The following MAGI2 variants were observed in gnomAD, a reference collection of about 807,000 sequenced individuals.
MAGI2 encodes the protein membrane-associated guanylate kinase, WW and PDZ domain-containing protein 2.
Under a neutral mutation model 133.3 loss-of-function variants are expected in MAGI2, and 35 were observed. The ratio of observed to expected loss-of-function variants is 0.26; its 90% CI spans 0.20 to 0.35. The LOEUF (loss-of-function observed/expected upper bound fraction) is 0.35, where lower values mean the gene tolerates loss of function less well. Among genes scored for constraint, MAGI2 ranks in the 10% least tolerant of loss-of-function variants. MAGI2 has a pLI of 1.00. For synonymous variants in MAGI2, 729 were observed against 710.6 expected, an observed-to-expected ratio of 1.03 and a Z score of -0.41; for missense variants, 1,636 against 1,863.4, an observed-to-expected ratio of 0.88 and a Z score of 2.25.
chr7:78,153,584 G>T (rs1824100119), intron 16 of MAGI2, among the ~76,000 whole-genome samples: 1 of 152,168 alleles, frequency 6.6e-6, no homozygotes, highest in South Asian at 2.1e-4. Flanking sequence ...TCTTGACAGA[G>T]GTTGAGACGA....
At chr7:78,769,883 TCCC>T (rs1352867404) in intron 2 of MAGI2, among the ~76,000 whole-genome samples, 4 of 151,882 alleles carry the variant, frequency 2.6e-5, no homozygotes, top group African/African-American at 9.7e-5. Context: ...ACTAAATGCT[TCCC>T]CCCATTTCCT....
intron 1 of MAGI2, chr7:79,177,335 A>C (rs1826189544): frequency 1.3e-5 from 2 of 152,022 alleles, no homozygotes; most frequent in Non-Finnish European, 2.9e-5. Context: ...TGAATGCATG[A>C]AAAAAGAATT....
intron 1 of MAGI2, among the ~76,000 whole-genome samples, chr7:79,065,207 C>T (rs1814180079): frequency 6.6e-6 from 1 of 152,064 alleles, no homozygotes; most frequent in African/African-American, 2.4e-5. Flanking sequence ...GTATCCATTC[C>T]ATTATACAGT....
chr7:78,637,055 A>G (rs1809741470), intron 2 of MAGI2, among the ~76,000 whole-genome samples: 1 of 152,184 alleles, frequency 6.6e-6, no homozygotes, highest in Non-Finnish European at 1.5e-5. Flanking sequence ...AGGGAACCCA[A>G]AATAAAAACA....
At chr7:78,144,472 A>G (rs1823085226) in intron 16 of MAGI2, among the ~76,000 whole-genome samples, 1 of 152,188 alleles carries the variant, frequency 6.6e-6, no homozygotes, top group Non-Finnish European at 1.5e-5. Context: ...TGGTTTTACT[A>G]TGTAAATCTT....
chr7:78,327,543 T>G (rs1440767007), intron 9 of MAGI2, among the ~76,000 whole-genome samples: 1 of 152,172 alleles, frequency 6.6e-6, no homozygotes, highest in Non-Finnish European at 1.5e-5. Context: ...CCCTGAAGAT[T>G]CTGTTTTCCC....
chr7:78,737,723 T>C (rs1822003952), intron 2 of MAGI2, among the ~76,000 whole-genome samples: 1 of 152,158 alleles, frequency 6.6e-6, no homozygotes, highest in Non-Finnish European at 1.5e-5. Flanking sequence ...GAAAATATAG[T>C]TATGTCTCAT....
chr7:79,031,345 T>C (rs1411946842), intron 1 of MAGI2, among the ~76,000 whole-genome samples: 1 of 152,152 alleles, frequency 6.6e-6, no homozygotes, highest in Admixed American at 6.6e-5. Flanking sequence ...AGCCTGACAC[T>C]TAGTAGTTAG....
chr7:78,986,167 T>A (rs532620505), intron 2 of MAGI2, among the ~76,000 whole-genome samples: 24 of 152,216 alleles, frequency 1.6e-4, no homozygotes, highest in South Asian at 6.2e-4. Context: ...CATTTTCAAA[T>A]TACTTTTGCA....
chr7:78,255,817 C>A, intron 10 of MAGI2, 126 bp downstream of exon 10: 1 of 1,016,152 alleles, frequency 9.8e-7, no homozygotes, highest in South Asian at 1.4e-5. Flanking sequence ...CTCTCTCACT[C>A]TTTAAGCTTT....
At chr7:78,166,605 G>A (rs1363562550) in intron 15 of MAGI2, among the ~76,000 whole-genome samples, 1 of 152,112 alleles carries the variant, frequency 6.6e-6, no homozygotes, top group Non-Finnish European at 1.5e-5. Flanking sequence ...TTAAATGACC[G>A]CCCTTGCTCA....
At chr7:79,447,687 T>A (rs935100730) in intron 1 of MAGI2, among the ~76,000 whole-genome samples, 1 of 151,882 alleles carries the variant, frequency 6.6e-6, no homozygotes, top group South Asian at 2.1e-4. Context: ...GTTAATAGTA[T>A]TTAAATAGTA....
At chr7:78,636,165 T>C (rs772970518) in intron 2 of MAGI2, among the ~76,000 whole-genome samples, 11 of 152,178 alleles carry the variant, frequency 7.2e-5, no homozygotes, top group Non-Finnish European at 1.6e-4. Context: ...TTATAAAATA[T>C]TGAAGATTTG....
Position 79,007,203 on chromosome 7 carries a change from C to T in MAGI2, c.305G>A (p.Gly102Glu), listed in dbSNP as rs142028878. The T allele has an allele frequency of 2.0e-5, 31 of 1,588,706 alleles. No individual in the cohort carries two copies. The African/African-American group carries it at 3.8e-4, about 20-fold the overall frequency. Residue 102 changes from glycine (G) to glutamate (E), a missense_variant, in exon 2 of 22, where the codon GGA (glycine) becomes GAA (glutamate). Coordinates refer to ENST00000354212, the MANE Select transcript of MAGI2 (RefSeq NM_012301.4). ...GTGACGAAGGTCTTTATCAACAATT[C>T]CTCCTAAAAATAAAAAAAGTTTCTT... ...PLRLKCVKQG[G>E]IVDKDLRHYL... is the part of the protein sequence containing the mutation.
At chr7:78,414,226 T>C (rs967280900) in intron 6 of MAGI2, among the ~76,000 whole-genome samples, 2 of 152,078 alleles carry the variant, frequency 1.3e-5, no homozygotes, top group Middle Eastern at 3.4e-3. Flanking sequence ...TTGAATATGA[T>C]AAAATATGAA....
Position 78,835,644 on chromosome 7 carries a change from C to A in MAGI2, c.418+171446G>T, listed in dbSNP as rs750237366. Reference sequence around the variant, plus strand: ...GGGTTTGCCATATCATTCCTCACTCCCAGGAAGGAGAAAATGGACAGGGTT... The same window carrying A: ...GGGTTTGCCATATCATTCCTCACTCACAGGAAGGAGAAAATGGACAGGGTT... On this transcript the variant is annotated intron_variant, in intron 2 of 21. Transcript: ENST00000354212. Among the ~76,000 whole-genome samples, 12 of 152,132 alleles carry A rather than the reference C, an allele frequency of 7.9e-5. 1 individual carries two copies. In the Middle Eastern group the frequency reaches 0.031, roughly 388 times the overall value.
At chr7:78,705,258 T>C (rs1025476728) in intron 2 of MAGI2, among the ~76,000 whole-genome samples, 1 of 152,014 alleles carries the variant, frequency 6.6e-6, no homozygotes, top group African/African-American at 2.4e-5. Flanking sequence ...CAAGATCTGA[T>C]GGTTTATAAG....
At chr7:79,351,127 T>A (rs1841661964) in intron 1 of MAGI2, among the ~76,000 whole-genome samples, 1 of 152,106 alleles carries the variant, frequency 6.6e-6, no homozygotes, top group African/African-American at 2.4e-5. Context: ...TATACTTCAA[T>A]TTTTTTAAAG....
At chr7:79,418,356 C>T (rs1448584074) in intron 1 of MAGI2, among the ~76,000 whole-genome samples, 1 of 152,034 alleles carries the variant, frequency 6.6e-6, no homozygotes, top group Non-Finnish European at 1.5e-5. Context: ...TGGAGACAAA[C>T]TAATAATGTT....
Sources: allele counts gnomAD v4.1 joint callset (sites outside exome capture counted in the v4.1 genomes callset), GRCh38; gene constraint gnomAD v4.1.1; transcripts MANE v1.5; gene names NCBI Gene and HGNC (gene_info 2026-07-23, HGNC 2026-07-21).